Variants in PLEKHA8 observed in about 807,000 individuals in gnomAD.
PLEKHA8 encodes the protein pleckstrin homology domain-containing family A member 8.
Under a neutral mutation model 68.2 loss-of-function variants are expected in PLEKHA8, and 36 were observed. The observed-to-expected ratio is 0.53, with a 90% CI of 0.40 to 0.70. The LOEUF is 0.70. Among genes scored for constraint, PLEKHA8 ranks in the 30% least tolerant of loss-of-function variants. PLEKHA8 has a pLI of 0.00. For missense variants in PLEKHA8, 505 were observed against 615.4 expected (o/e 0.82, Z 1.90); for synonymous variants, 211 against 216.1 (o/e 0.98, Z 0.20).
At position 30,045,220 on chromosome 7, in the gene PLEKHA8, T is replaced by TG. The variant is rs753685308; in HGVS notation, c.157+20dup. 3.2e-6 allele frequency: 5 copies of TG among 1,549,788 alleles called. No homozygotes were observed. Among genetic ancestry groups the TG allele is most frequent in the Non-Finnish European group, 4.4e-6 (5 of 1,135,706 alleles). On this transcript the variant is annotated intron_variant, in intron 2 of 13. Transcript: ENST00000449726. ...ATTCAAGGTGAGAAATCAAGCAACT[T>TG]GCAAGTTTTATTTTTCTTTCTGTTT...
intron 13 of PLEKHA8, among the ~76,000 whole-genome samples, chr7:30,105,657 C>T (rs1340917396): frequency 1.3e-5 from 2 of 152,132 alleles, no homozygotes; most frequent in African/African-American, 2.4e-5. Flanking sequence ...AGGTAACTCA[C>T]AAATGAGGAA....
rs1194222041 is a variant in PLEKHA8, at chr7:30,054,725, G to A, written c.813G>A (p.Arg271=). ...DDNITVQGEI[R]KEDGMENLKN... ...ACTTTGCAGTCCAAGGTGAAATAAG[G>A]AAGGAAGATGGAATGGAAAACCTGA... The change falls in exon 8 of 14, where the codon AGG becomes AGA. Residue 271 remains arginine (R), a synonymous_variant. Transcript: ENST00000449726. 1 of 1,590,218 alleles carries A rather than the reference G, an allele frequency of 6.3e-7. No individual in the cohort carries two copies. Among genetic ancestry groups the A allele is most frequent in the Non-Finnish European group, 8.6e-7 (1 of 1,165,188 alleles).
At chr7:30,054,670 TATATA>T in intron 7 of PLEKHA8, 34 bp from the exon 8 acceptor site, 1 of 1,277,108 alleles carries the variant, frequency 7.8e-7, no homozygotes, top group Non-Finnish European at 1.0e-6. Context: ...TTATAATAAA[TATATA>T]ATAGGTTAGT....
downstream of PLEKHA8, among the ~76,000 whole-genome samples, chr7:30,087,952 T>C (rs1795246440): frequency 6.6e-6 from 1 of 152,118 alleles, no homozygotes; most frequent in Non-Finnish European, 1.5e-5. Flanking sequence ...GCCACCTCTC[T>C]CATTAAATCA....
Position 30,080,331 on chromosome 7 carries a change from C to G in PLEKHA8, c.*1544C>G. Reference sequence around the variant, plus strand: ...TGCATCGGAGAGAAGCCATGGGTACCTTCCCCATTAGAGGCTACTTCCTTC... The same window carrying G: ...TGCATCGGAGAGAAGCCATGGGTACGTTCCCCATTAGAGGCTACTTCCTTC... On this transcript the variant is annotated 3_prime_UTR_variant, in exon 14 of 14. Transcript: ENST00000449726. 1 of 985,344 alleles carries G rather than the reference C, an allele frequency of 1.0e-6. No homozygotes were observed. Among genetic ancestry groups the G allele is most frequent in the Non-Finnish European group, 1.2e-6 (1 of 829,916 alleles). 61.0% of individuals were successfully genotyped at this position (985,344 alleles called of 1,614,324 possible).
chr7:30,117,051 G>C (rs1258573506), intron 13 of PLEKHA8, among the ~76,000 whole-genome samples: 3 of 152,176 alleles, frequency 2.0e-5, no homozygotes, highest in East Asian at 1.9e-4. Context: ...CTGCCTTCCA[G>C]CATCTGTGCC....
chr7:30,029,607 A>C (rs1790497751), intron 1 of PLEKHA8, among the ~76,000 whole-genome samples: 1 of 152,210 alleles, frequency 6.6e-6, no homozygotes. Context: ...CAAGCCTACT[A>C]TATGCTGGAA....
intron 13 of PLEKHA8, among the ~76,000 whole-genome samples, chr7:30,128,918 CG>C: frequency 6.6e-6 from 1 of 152,056 alleles, no homozygotes; most frequent in Non-Finnish European, 1.5e-5. Flanking sequence ...AACCAGCTCT[CG>C]GGAGTGAACA....
Position 30,084,321 on chromosome 7 carries a change from T to A in PLEKHA8, c.*5534T>A. 1.0e-6 allele frequency: 1 copy of A among 985,398 alleles called. No homozygotes were observed. The highest frequency in any genetic ancestry group is 1.7e-5 in the African/African-American group (1 of 57,378). The allele number at this position is 985,398 out of a possible 1,614,324, so 61.0% of individuals were successfully genotyped here. A position where few individuals can be genotyped will look rare whatever the true frequency, so the allele number is the denominator to read the frequency against. On this transcript the variant is annotated 3_prime_UTR_variant, in exon 14 of 14. Transcript: ENST00000449726. ...CACTTTGAATATCTGTCACGTGCAGTGTTAATGTTACCTGTTCTTGTCTCT... is the reference window on the plus strand; with the variant it reads ...CACTTTGAATATCTGTCACGTGCAGAGTTAATGTTACCTGTTCTTGTCTCT...
intron 12 of PLEKHA8, among the ~76,000 whole-genome samples, chr7:30,068,589 T>C (rs1262059140): frequency 6.6e-6 from 1 of 152,210 alleles, no homozygotes; most frequent in Non-Finnish European, 1.5e-5. Context: ...GGGAGTTCTT[T>C]ATATTTCCTG....
intron 13 of PLEKHA8, among the ~76,000 whole-genome samples, chr7:30,101,056 G>A (rs551814374): frequency 8.4e-4 from 127 of 151,986 alleles, no homozygotes; most frequent in African/African-American, 2.8e-3. Context: ...TGGGTGTGGT[G>A]GTACACACCT....
intron 13 of PLEKHA8, among the ~76,000 whole-genome samples, 199 bp from the exon 14 acceptor site, chr7:30,078,391 C>T (rs1794744251): frequency 6.6e-6 from 1 of 152,146 alleles, no homozygotes; most frequent in South Asian, 2.1e-4. Context: ...TTTCTTCTAG[C>T]CTTAAAGTTA....
At position 30,082,844 on chromosome 7, in the gene PLEKHA8, G is replaced by A. The variant is rs561479816; in HGVS notation, c.*4057G>A. On this transcript the variant is annotated 3_prime_UTR_variant, in exon 14 of 14. Coordinates refer to ENST00000449726, the MANE Select transcript of PLEKHA8 (RefSeq NM_001197026.2). Reference sequence around the variant, plus strand: ...AGTCAGAGGGTCATGAGCAATAGACGATGATGCGAGGCATTTGGGGAGCTT... The same window carrying A: ...AGTCAGAGGGTCATGAGCAATAGACAATGATGCGAGGCATTTGGGGAGCTT... 201 of 985,294 alleles carry A rather than the reference G, an allele frequency of 2.0e-4. 1 individual carries two copies. The South Asian group carries it at 4.4e-3, about 22-fold the overall frequency. 61.0% of individuals were successfully genotyped at this position (985,294 alleles called of 1,614,324 possible).
rs1369614104 is a variant in PLEKHA8 at position 30,080,152 on chromosome 7, A to G, written c.*1365A>G. 1 of 985,408 alleles carries G rather than the reference A, an allele frequency of 1.0e-6. No individual in the cohort carries two copies. The highest frequency in any genetic ancestry group is 1.2e-6 in the Non-Finnish European group (1 of 829,902). 61.0% of individuals were successfully genotyped at this position (985,408 alleles called of 1,614,324 possible). A position where few individuals can be genotyped will look rare whatever the true frequency, so the allele number is the denominator to read the frequency against. ...ATCTCAAAAGCTTTGGGACAGTGTC[A>G]TAGTTGAAAGATGAGACTTAAGAAA... On this transcript the variant is annotated 3_prime_UTR_variant, in exon 14 of 14. Coordinates refer to ENST00000449726, the MANE Select transcript of PLEKHA8 (RefSeq NM_001197026.2).
rs1795052472 is a variant in PLEKHA8, at chr7:30,083,649, AT to A, written c.*4863del. ...ATAGCCTTTAATTAAAAGGAAAAAA[AT>A]ACCACTACTCTGCAATGCAAAAGTC... On this transcript the variant is annotated 3_prime_UTR_variant, in exon 14 of 14. Transcript: ENST00000449726. 1.0e-6 allele frequency: 1 copy of A among 985,456 alleles called. No homozygotes were observed. Among genetic ancestry groups the A allele is most frequent in the South Asian group, 4.7e-5 (1 of 21,288 alleles). The allele number at this position is 985,456 out of a possible 1,614,324, so 61.0% of individuals were successfully genotyped here. A position where few individuals can be genotyped will look rare whatever the true frequency, so the allele number is the denominator to read the frequency against.
rs777377775 is a variant in PLEKHA8 at position 30,054,733 on chromosome 7, A to G, written c.821A>G (p.Asp274Gly). ...GTCCAAGGTGAAATAAGGAAGGAAG[A>G]TGGAATGGAAAACCTGAAAAATCAT... ...ITVQGEIRKEDGMENLKNHDN... is the reference protein window; with the variant it reads ...ITVQGEIRKEGGMENLKNHDN... Residue 274 changes from aspartate to glycine, a missense_variant, in exon 8 of 14, where the codon GAT (aspartate) becomes GGT (glycine). Physicochemically the swap from Asp to Gly is moderately conservative, Grantham distance 94 (BLOSUM62 -1). Transcript: ENST00000449726. 20 of 1,596,974 alleles carry G rather than the reference A, an allele frequency of 1.3e-5. No homozygotes were observed. Among genetic ancestry groups the G allele is most frequent in the Admixed American group, 1.7e-5 (1 of 58,128 alleles).
chr7:30,127,934 T>C (rs1056484164), intron 13 of PLEKHA8, among the ~76,000 whole-genome samples: 2 of 152,204 alleles, frequency 1.3e-5, no homozygotes, highest in African/African-American at 4.8e-5. Context: ...ATCTTTGATG[T>C]TTCATCCTAT....
At chr7:30,095,464 A>G (rs185070973), downstream of PLEKHA8, among the ~76,000 whole-genome samples, 2,883 of 152,264 alleles carry the variant, frequency 0.019, 43 homozygotes, top group East Asian at 0.041. Flanking sequence ...ATTTTCTCCC[A>G]TTCTGTAGGT....
intron 6 of PLEKHA8, among the ~76,000 whole-genome samples, chr7:30,052,366 G>T (rs992742326): frequency 2.0e-5 from 3 of 152,172 alleles, no homozygotes; most frequent in African/African-American, 7.2e-5. Context: ...GCTTGGCGAG[G>T]TGGCTCATGC....
Sources: allele counts gnomAD v4.1 joint callset (sites outside exome capture counted in the v4.1 genomes callset), GRCh38; gene constraint gnomAD v4.1.1; transcripts MANE v1.5; gene names NCBI Gene and HGNC (gene_info 2026-07-23, HGNC 2026-07-21).